The following ATP10B variants were observed in gnomAD, a reference collection of about 807,000 sequenced individuals.
The protein encoded by ATP10B is phospholipid-transporting ATPase VB.
ATP10B carries 122 observed loss-of-function variants against 141.2 expected under a neutral mutation model. The observed-to-expected ratio is 0.86, with a 90% confidence interval of 0.75 to 1.00. The LOEUF is 1.00. Ranked by LOEUF, ATP10B falls within the 50% of genes least tolerant of loss-of-function variation. The probability of loss-of-function intolerance (pLI) is 0.00; values close to 1 mark genes in which losing one functional copy is unlikely to be tolerated. For synonymous variants in ATP10B, 685 were observed against 692.0 expected (o/e 0.99, Z 0.16); for missense variants, 1,876 against 1,825.3 (o/e 1.03, Z -0.51).
chr5:160,811,745 G>A (rs1338523120), intron 1 of ATP10B, among the ~76,000 whole-genome samples: 1 of 152,144 alleles, frequency 6.6e-6, no homozygotes, highest in East Asian at 1.9e-4. Context: ...AGTATCTCTG[G>A]ACCCACCAAG....
intron 9 of ATP10B, among the ~76,000 whole-genome samples, chr5:160,642,352 T>C (rs559423716): frequency 6.6e-6 from 1 of 152,352 alleles, no homozygotes; most frequent in African/African-American, 2.4e-5. Flanking sequence ...ATTGGACCTC[T>C]TTCTTCTGTA....
At chr5:160,654,444 CA>C (rs1341833688) in intron 7 of ATP10B, among the ~76,000 whole-genome samples, 1 of 152,102 alleles carries the variant, frequency 6.6e-6, no homozygotes, top group East Asian at 1.9e-4. Flanking sequence ...TGCTTTCCAG[CA>C]AAAGGCCTAG....
chr5:160,650,158 A>G (rs1760619589), intron 7 of ATP10B, among the ~76,000 whole-genome samples: 1 of 149,212 alleles, frequency 6.7e-6, no homozygotes, highest in Non-Finnish European at 1.5e-5. Context: ...ATACATATAT[A>G]TACATATATA....
chr5:160,608,115 TCCCC>T (rs1757501431), intron 18 of ATP10B, among the ~76,000 whole-genome samples: 1 of 152,022 alleles, frequency 6.6e-6, no homozygotes. Context: ...TGTCTGATGT[TCCCC>T]CACCCTGTGT....
At chr5:160,772,444 G>A (rs1345510035) in intron 2 of ATP10B, among the ~76,000 whole-genome samples, 2 of 152,158 alleles carry the variant, frequency 1.3e-5, no homozygotes, top group African/African-American at 4.8e-5. Flanking sequence ...CCTGGACTGT[G>A]GTCTTGTGTC....
intron 10 of ATP10B, among the ~76,000 whole-genome samples, chr5:160,639,434 T>C (rs1234733842): frequency 6.6e-6 from 1 of 152,152 alleles, no homozygotes; most frequent in Non-Finnish European, 1.5e-5. Flanking sequence ...CCCAATGATG[T>C]AATCACAGGT....
the ATP10B span, among the ~76,000 whole-genome samples, chr5:160,878,439 A>G: frequency 6.6e-6 from 1 of 152,164 alleles, no homozygotes; most frequent in Non-Finnish European, 1.5e-5. Flanking sequence ...CCTAGAAGAA[A>G]ACCTAGGCAT....
chr5:160,746,824 T>C (rs1279790779), intron 2 of ATP10B, among the ~76,000 whole-genome samples: 1 of 152,226 alleles, frequency 6.6e-6, no homozygotes, highest in Non-Finnish European at 1.5e-5. Context: ...TAAGACCATC[T>C]CATTCCTCAA....
At chr5:160,920,225 C>T in the ATP10B span, among the ~76,000 whole-genome samples, 1 of 152,166 alleles carries the variant, frequency 6.6e-6, no homozygotes, top group Non-Finnish European at 1.5e-5. Context: ...GTAGAAGCTG[C>T]TCAAAGAAGA....
chr5:160,850,348 C>T (rs963775385), intron 1 of ATP10B, among the ~76,000 whole-genome samples: 4 of 152,054 alleles, frequency 2.6e-5, no homozygotes, highest in Non-Finnish European at 5.9e-5. Flanking sequence ...TGCTTGAATC[C>T]AGGAGGCAGA....
rs1000490546 is a variant in ATP10B, at chr5:160,565,210, C to T, written c.*243G>A. ...GAGAACTCGATTCAACAAAAACAGC[C>T]TCCTTCTCCAAACTGTTTGCAAGAT... On this transcript the variant is annotated 3_prime_UTR_variant, in exon 26 of 26. Coordinates refer to ENST00000327245, the MANE Select transcript of ATP10B (RefSeq NM_025153.3). 4.1e-5 allele frequency: 22 copies of T among 535,460 alleles called. No individual in the cohort carries two copies. The highest frequency in any genetic ancestry group is 6.6e-5 in the Non-Finnish European group (20 of 300,802). The allele number at this position is 535,460 out of a possible 1,614,324, so 33.2% of individuals were successfully genotyped here. A position where few individuals can be genotyped will look rare whatever the true frequency, so the allele number is the denominator to read the frequency against.
chr5:160,888,184 T>A, the ATP10B span, among the ~76,000 whole-genome samples: 1 of 152,238 alleles, frequency 6.6e-6, no homozygotes, highest in East Asian at 1.9e-4. Flanking sequence ...CCCATGGGCA[T>A]ACACTACCAT....
intron 3 of ATP10B, among the ~76,000 whole-genome samples, chr5:160,714,688 G>A (rs61632503): frequency 2.4e-4 from 26 of 107,792 alleles, no homozygotes; most frequent in Admixed American, 5.6e-4. Flanking sequence ...GAGGAGAGGC[G>A]CTCTGCGTTT....
chr5:160,851,891 G>T (rs552749781), intron 1 of ATP10B, 50 bp downstream of exon 1: 5 of 152,246 alleles, frequency 3.3e-5, no homozygotes, highest in Admixed American at 3.3e-4. Context: ...GATTCTAAGA[G>T]GCAATTACTC....
At chr5:160,754,439 A>G (rs1178991902) in intron 2 of ATP10B, among the ~76,000 whole-genome samples, 2 of 152,204 alleles carry the variant, frequency 1.3e-5, no homozygotes, top group Non-Finnish European at 2.9e-5. Context: ...AATCAGGGGT[A>G]TAAATAAAGA....
At chr5:160,665,151 T>TG (rs1247497423) in intron 7 of ATP10B, among the ~76,000 whole-genome samples, 3 of 151,706 alleles carry the variant, frequency 2.0e-5, no homozygotes, top group African/African-American at 7.3e-5. Flanking sequence ...AAAGTTCCAA[T>TG]GAAAAAAAAA....
intron 1 of ATP10B, among the ~76,000 whole-genome samples, chr5:160,792,725 T>A (rs527835094): frequency 1.3e-5 from 2 of 152,270 alleles, no homozygotes; most frequent in South Asian, 2.1e-4. Flanking sequence ...ACACACTCTC[T>A]CTTCTAAGCT....
At chr5:160,735,927 A>C (rs1767085841) in intron 2 of ATP10B, among the ~76,000 whole-genome samples, 1 of 152,194 alleles carries the variant, frequency 6.6e-6, no homozygotes. Context: ...AAATTAAAAA[A>C]AATTCTTGAA....
rs761208458 is a variant in ATP10B at position 160,565,687 on chromosome 5, G to A, written c.4152C>T (p.Ser1384=). 1 of 1,614,114 alleles carries A rather than the reference G, an allele frequency of 6.2e-7. No homozygotes were observed. Among genetic ancestry groups the A allele is most frequent in the South Asian group, 1.1e-5 (1 of 91,078 alleles). The part of the protein sequence containing the change: ...GQDFSASTPK[S]SNPPKRKHVE... ...CATGCTTCCTCTTGGGAGGGTTAGA[G>A]CTCTTTGGGGTGCTGGCACTGAAGT... The change falls in exon 26 of 26, where the codon AGC becomes AGT. Residue 1384 remains serine (S), a synonymous_variant. Coordinates refer to ENST00000327245, the MANE Select transcript of ATP10B (RefSeq NM_025153.3).
Sources: allele counts gnomAD v4.1 joint callset (sites outside exome capture counted in the v4.1 genomes callset), GRCh38; gene constraint gnomAD v4.1.1; transcripts MANE v1.5; gene names NCBI Gene and HGNC (gene_info 2026-07-23, HGNC 2026-07-21).